Variants in NPAS3 observed in about 807,000 individuals in gnomAD.
The protein encoded by NPAS3 is neuronal PAS domain-containing protein 3.
Under a neutral mutation model 73.1 loss-of-function variants are expected in NPAS3, and 14 were observed. The observed-to-expected ratio is 0.19, with a 90% CI of 0.13 to 0.30. NPAS3 has a LOEUF of 0.30. Ranked by LOEUF, NPAS3 falls within the 10% of genes least tolerant of loss-of-function variation. The pLI is 1.00. For missense variants in NPAS3, 1,096 were observed against 1,250.0 expected, an observed-to-expected ratio of 0.88 and a Z score of 1.86; for synonymous variants, 620 against 541.5, an observed-to-expected ratio of 1.14 and a Z score of -2.01.
chr14:33,047,095 T>A (rs989913153), intron 1 of NPAS3, among the ~76,000 whole-genome samples: 1 of 151,848 alleles, frequency 6.6e-6, no homozygotes, highest in Non-Finnish European at 1.5e-5. Context: ...GAATTGGGAG[T>A]CGTTGGCATA....
At chr14:33,091,941 T>C (rs1163869075) in intron 2 of NPAS3, among the ~76,000 whole-genome samples, 3 of 152,192 alleles carry the variant, frequency 2.0e-5, no homozygotes, top group Non-Finnish European at 4.4e-5. Context: ...CTAAAAACTC[T>C]TAATAAATTA....
chr14:33,134,646 T>C (rs1023090319), intron 2 of NPAS3, among the ~76,000 whole-genome samples: 2 of 152,118 alleles, frequency 1.3e-5, no homozygotes, highest in African/African-American at 4.8e-5. Flanking sequence ...GGTGGCTTCA[T>C]GTAAGAGTAG....
intron 2 of NPAS3, among the ~76,000 whole-genome samples, chr14:33,086,623 A>C (rs565225994): frequency 6.6e-6 from 1 of 152,296 alleles, no homozygotes; most frequent in Admixed American, 6.5e-5. Flanking sequence ...TGGATTTATG[A>C]GTTCTTTTAC....
At chr14:33,203,143 A>G (rs1189894549) in intron 2 of NPAS3, among the ~76,000 whole-genome samples, 1 of 152,216 alleles carries the variant, frequency 6.6e-6, no homozygotes, top group Non-Finnish European at 1.5e-5. Context: ...TCATGAAATA[A>G]AGTGAGTTGC....
rs142393825 is a variant in NPAS3, at chr14:33,482,378, C to G, written c.469-77743C>G. The stretch of plus-strand genomic sequence containing the variant: ...TTAGGGAAATCTCTGATTAAACCAT[C>G]GTATATACACTTCAGCTTTATTCCT... On this transcript the variant is annotated intron_variant, in intron 4 of 11. Transcript: ENST00000356141. 1.0e-3 allele frequency among the ~76,000 whole-genome samples: 158 copies of G among 152,188 alleles called. 1 individual carries two copies. The highest frequency in any genetic ancestry group is 3.6e-3 in the African/African-American group (151 of 41,538).
rs796437511 is a variant in NPAS3 at position 33,190,779 on chromosome 14, CATG to C, written c.141-24400_141-24398del. On this transcript the variant is annotated intron_variant, in intron 2 of 11. Coordinates refer to ENST00000356141, the Ensembl canonical transcript of NPAS3. ...TGGCGCTCCCCCTACTCACTGCCAA[CATG>C]ATATGTGTCGTGCTGTCCTTTAGCG... Among the ~76,000 whole-genome samples the C allele has an allele frequency of 1.8e-4, 27 of 152,290 alleles. 1 individual carries two copies. The highest frequency in any genetic ancestry group is 6.5e-4 in the African/African-American group (27 of 41,564).
chr14:33,498,179 A>C (rs1030908815), intron 4 of NPAS3, among the ~76,000 whole-genome samples: 1 of 152,176 alleles, frequency 6.6e-6, no homozygotes, highest in Non-Finnish European at 1.5e-5. Context: ...GATCATTAAA[A>C]AGTCAGCAGA....
intron 3 of NPAS3, among the ~76,000 whole-genome samples, chr14:33,320,981 G>T (rs1330828962): frequency 6.6e-6 from 1 of 152,080 alleles, no homozygotes; most frequent in African/African-American, 2.4e-5. Context: ...TGCTTTCCTT[G>T]TCCTACAAAC....
chr14:32,941,531 A>G (rs1307076260), intron 1 of NPAS3, among the ~76,000 whole-genome samples: 7 of 151,510 alleles, frequency 4.6e-5, no homozygotes, highest in East Asian at 2.0e-4. Context: ...ACCTGTCTCC[A>G]TTTGGCATTC....
chr14:33,194,298 G>A lies in NPAS3; in HGVS notation c.141-20884G>A, dbSNP rs561191218. ...AGGTATAATAGCTCTTTGTAAAGGT[G>A]CTTCCTTTTCTTTTGTACTCTTTTC... is the stretch of plus-strand genomic sequence containing the variant. On this transcript the variant is annotated intron_variant, in intron 2 of 11. Coordinates refer to ENST00000356141, the Ensembl canonical transcript of NPAS3. Among the ~76,000 whole-genome samples, 6 of 152,220 alleles carry A rather than the reference G, an allele frequency of 3.9e-5. No individual in the cohort carries two copies. The East Asian group carries it at 9.7e-4, about 25-fold the overall frequency.
chr14:32,964,307 G>A (rs1278563404), intron 1 of NPAS3, among the ~76,000 whole-genome samples: 1 of 151,816 alleles, frequency 6.6e-6, no homozygotes, highest in Non-Finnish European at 1.5e-5. Context: ...CTTTATAAAT[G>A]AGGATGTGAG....
rs111277645 is a variant in NPAS3, at chr14:33,447,645, G to A, written c.468+80377G>A. ...GAGAACAGAATTGGCTGGGCAAAGT[G>A]GCACATACCTGTAATGCCAGTGCTG... On this transcript the variant is annotated intron_variant, in intron 4 of 11. Transcript: ENST00000356141. Among the ~76,000 whole-genome samples the A allele has an allele frequency of 4.0e-3, 612 of 152,276 alleles. 2 individuals are homozygous for A. The highest frequency in any genetic ancestry group is 0.014 in the African/African-American group (595 of 41,534).
chr14:33,784,745 A>ATTTTTTTTTTTTTTTTTTTTTTTTT (rs1226491375), intron 9 of NPAS3, among the ~76,000 whole-genome samples: 2 of 73,840 alleles, frequency 2.7e-5, no homozygotes, highest in Non-Finnish European at 4.8e-5. Context: ...TTATTTATTT[A>ATTTTTTTTTTTTTTTTTTTTTTTTT]TTTTTTTTTT....
chr14:33,349,177 G>A lies in NPAS3; in HGVS notation c.386-18009G>A, dbSNP rs151280481. Reference sequence around the variant, plus strand: ...ATGTCTATAATGTCATAATTAGGACGAATTCTCTGCACTTGAATGTGTTGG... The same window carrying A: ...ATGTCTATAATGTCATAATTAGGACAAATTCTCTGCACTTGAATGTGTTGG... On this transcript the variant is annotated intron_variant, in intron 3 of 11. Transcript: ENST00000356141. Among the ~76,000 whole-genome samples the A allele has an allele frequency of 2.7e-3, 407 of 152,280 alleles. 3 individuals are homozygous for A. The highest frequency in any genetic ancestry group is 9.5e-3 in the African/African-American group (394 of 41,548).
intron 3 of NPAS3, among the ~76,000 whole-genome samples, chr14:33,305,988 T>C (rs72678877): frequency 6.6e-6 from 1 of 152,282 alleles, no homozygotes; most frequent in Non-Finnish European, 1.5e-5. Flanking sequence ...AGGAAAGTGG[T>C]TGGGTGTTTT....
chr14:33,007,823 T>G (rs2039050576), intron 1 of NPAS3, among the ~76,000 whole-genome samples: 1 of 152,158 alleles, frequency 6.6e-6, no homozygotes, highest in Non-Finnish European at 1.5e-5. Flanking sequence ...CAGCTCTGAG[T>G]AGTCAAAGAC....
In NPAS3 at chr14:33,251,948, G is replaced by A. The variant is rs774273397; in HGVS notation, c.385+36522G>A. On this transcript the variant is annotated intron_variant, in intron 3 of 11. Coordinates refer to ENST00000356141, the Ensembl canonical transcript of NPAS3. Reference sequence around the variant, plus strand: ...TTGGTGTTGAAGCACGTTGCAATTCGTTGTCTACGTTTACTTCTTTATTCA... The same window carrying A: ...TTGGTGTTGAAGCACGTTGCAATTCATTGTCTACGTTTACTTCTTTATTCA... Among the ~76,000 whole-genome samples, 10 of 151,738 alleles carry A rather than the reference G, an allele frequency of 6.6e-5. 1 individual carries two copies. Among genetic ancestry groups the A allele is most frequent in the African/African-American group, 1.2e-4 (5 of 41,298 alleles).
At chr14:33,731,289 C>T (rs1225649898) in intron 6 of NPAS3, among the ~76,000 whole-genome samples, 1 of 151,728 alleles carries the variant, frequency 6.6e-6, no homozygotes, top group Non-Finnish European at 1.5e-5. Flanking sequence ...TGTGGTGGCA[C>T]GCACTTGTGA....
At chr14:33,318,764 A>G (rs1161646115) in intron 3 of NPAS3, among the ~76,000 whole-genome samples, 1 of 152,146 alleles carries the variant, frequency 6.6e-6, no homozygotes, top group Non-Finnish European at 1.5e-5. Context: ...TAGTTAAATT[A>G]ACCAAATGAT....
Sources: gnomAD v4.1 joint callset for allele counts (sites outside exome capture counted in the v4.1 genomes callset) on GRCh38, gnomAD v4.1.1 for gene constraint, MANE v1.5 for transcripts, NCBI Gene and HGNC (gene_info 2026-07-23, HGNC 2026-07-21) for gene names.